Variants in SVIL observed in about 807,000 individuals in gnomAD.
SVIL encodes supervillin, also known as archvillin.
A neutral mutation model predicts 240.4 loss-of-function variants in SVIL; 101 were observed. The ratio of observed to expected loss-of-function variants is 0.42; its 90% CI spans 0.36 to 0.50. The LOEUF (loss-of-function observed/expected upper bound fraction) is 0.50, where lower values mean the gene tolerates loss of function less well. Among genes scored for constraint, SVIL ranks in the 20% least tolerant of loss-of-function variants. The pLI, the probability that SVIL is intolerant of heterozygous loss-of-function variation, is 0.01. For synonymous variants in SVIL, 999 were observed against 1,100.0 expected, an observed-to-expected ratio of 0.91 and a Z score of 1.82; for missense variants, 2,512 against 2,818.7, an observed-to-expected ratio of 0.89 and a Z score of 2.46.
chr10:29,675,899 A>G (rs1564753731), intron 2 of SVIL, among the ~76,000 whole-genome samples: 2 of 152,206 alleles, frequency 1.3e-5, no homozygotes, highest in South Asian at 2.1e-4. Flanking sequence ...TTGAAACATA[A>G]GAAAGTTACA....
chr10:29,618,476 G>A (rs1055420738), intron 1 of SVIL, among the ~76,000 whole-genome samples: 2 of 152,162 alleles, frequency 1.3e-5, no homozygotes, highest in Non-Finnish European at 2.9e-5. Context: ...GTCAAAGCAT[G>A]TTCAGACCCC....
chr10:29,692,646 T>C (rs1010850619), intron 1 of SVIL, among the ~76,000 whole-genome samples: 1 of 149,506 alleles, frequency 6.7e-6, no homozygotes, highest in South Asian at 2.1e-4. Flanking sequence ...GTATATATGA[T>C]ATATATATAA....
chr10:29,495,874 A>G (rs1251603212), intron 18 of SVIL, among the ~76,000 whole-genome samples: 1 of 152,206 alleles, frequency 6.6e-6, no homozygotes, highest in East Asian at 1.9e-4. Context: ...ATCCAGCTGG[A>G]AGAAGAAAAC....
At chr10:29,652,273 T>C (rs1958863875) in intron 3 of SVIL, among the ~76,000 whole-genome samples, 1 of 152,228 alleles carries the variant, frequency 6.6e-6, no homozygotes, top group Non-Finnish European at 1.5e-5. Flanking sequence ...TTGCCTGTTC[T>C]AGAAATTTCA....
chr10:29,645,569 C>T (rs370407973), intron 3 of SVIL, among the ~76,000 whole-genome samples: 1 of 151,848 alleles, frequency 6.6e-6, no homozygotes, highest in African/African-American at 2.4e-5. Context: ...AACTCCGTCT[C>T]AAAAAATAAA....
intron 6 of SVIL, among the ~76,000 whole-genome samples, chr10:29,538,980 T>C (rs1397325088): frequency 6.6e-6 from 1 of 151,930 alleles, no homozygotes. Context: ...CTGAGCAACA[T>C]AGCAAGACTC....
chr10:29,731,834 G>T (rs1456273755), intron 1 of SVIL, among the ~76,000 whole-genome samples: 1 of 152,228 alleles, frequency 6.6e-6, no homozygotes. Flanking sequence ...GGCAGCAAAT[G>T]TAAGTACAGT....
intron 2 of SVIL, among the ~76,000 whole-genome samples, chr10:29,678,283 G>A (rs1429432102): frequency 6.6e-6 from 1 of 151,862 alleles, no homozygotes; most frequent in Non-Finnish European, 1.5e-5. Flanking sequence ...CAACTAGATA[G>A]TCCCATCTAA....
chr10:29,533,035 G>C lies in SVIL; in HGVS notation c.1332C>G (p.Cys444Trp), dbSNP rs182606942. The change falls in exon 8 of 38, where the codon TGC (cysteine) becomes TGG (tryptophan). Residue 444 changes from cysteine to tryptophan, a missense_variant. Physicochemically the swap from Cys to Trp is radical, Grantham distance 215. Coordinates refer to ENST00000355867, the MANE Select transcript of SVIL (RefSeq NM_021738.3). Reference sequence around the variant, plus strand: ...TGCTTTGCTCGAGAGCTTCAGTGAAGCACACATCTTCTTCTTTTTCTTCTC... The same window carrying C: ...TGCTTTGCTCGAGAGCTTCAGTGAACCACACATCTTCTTCTTTTTCTTCTC... The part of the protein sequence containing the change: ...GEGEEKEEDV[C>W]FTEALEQSKK... The C allele has an allele frequency of 6.2e-7, 1 of 1,614,066 alleles. No individual in the cohort carries two copies. Among genetic ancestry groups the C allele is most frequent in the African/African-American group, 1.3e-5 (1 of 75,038 alleles).
intron 1 of SVIL, among the ~76,000 whole-genome samples, chr10:29,607,699 C>T (rs1957076934): frequency 6.6e-6 from 1 of 152,190 alleles, no homozygotes. Context: ...ACGTCTTGCT[C>T]TCTGCCTGAA....
intron 2 of SVIL, among the ~76,000 whole-genome samples, chr10:29,660,498 C>G (rs1487773079): frequency 2.0e-5 from 3 of 152,040 alleles, no homozygotes; most frequent in Admixed American, 2.0e-4. Flanking sequence ...CTCCCAGCTA[C>G]TAGGGAGGCT....
At chr10:29,642,603 CA>C (rs1564729979) in intron 3 of SVIL, among the ~76,000 whole-genome samples, 1 of 152,160 alleles carries the variant, frequency 6.6e-6, no homozygotes, top group Non-Finnish European at 1.5e-5. Context: ...CAGGACCTAG[CA>C]ACATGTGCCA....
intron 16 of SVIL, among the ~76,000 whole-genome samples, chr10:29,514,913 TAAAC>T (rs1486021719): frequency 6.6e-6 from 1 of 152,212 alleles, no homozygotes; most frequent in African/African-American, 2.4e-5. Flanking sequence ...TTGTAGTACT[TAAAC>T]AAGAATCCGG....
chr10:29,516,659 G>A (rs61849346), intron 16 of SVIL, among the ~76,000 whole-genome samples: 7,675 of 152,326 alleles, frequency 0.05, 249 homozygotes, highest in Middle Eastern at 0.078. Flanking sequence ...CTGTGATGCT[G>A]GGAGCCTGGG....
At chr10:29,590,810 C>A (rs982828116) in intron 1 of SVIL, among the ~76,000 whole-genome samples, 3 of 152,108 alleles carry the variant, frequency 2.0e-5, no homozygotes, top group African/African-American at 7.2e-5. Context: ...GAAGTACTAA[C>A]CCCTCTTTGA....
chr10:29,552,898 A>G (rs1953508445), intron 5 of SVIL, among the ~76,000 whole-genome samples: 1 of 152,170 alleles, frequency 6.6e-6, no homozygotes, highest in Non-Finnish European at 1.5e-5. Context: ...CTTCACATAT[A>G]CTACACAGAT....
At chr10:29,474,025 G>T (rs368401017) in intron 29 of SVIL, 36 bp from the exon 30 acceptor site, 426 of 1,604,214 alleles carry the variant, frequency 2.7e-4, no homozygotes, top group Non-Finnish European at 3.4e-4. Flanking sequence ...CAGGTCAGCA[G>T]CTGAGACACC....
chr10:29,585,087 T>TTTC (rs1564672473), intron 1 of SVIL, among the ~76,000 whole-genome samples: 3 of 138,200 alleles, frequency 2.2e-5, no homozygotes, highest in Non-Finnish European at 4.7e-5. Flanking sequence ...TTCTTCTTCC[T>TTTC]TTTTTTTTTT....
Position 29,465,622 on chromosome 10 carries a change from C to G in SVIL, c.6106G>C (p.Glu2036Gln). Residue 2036 changes from glutamate to glutamine, a missense_variant, in exon 34 of 38, where the codon GAA becomes CAA. Glu to Gln is a conservative substitution (Grantham distance 29). Around this residue, in one of 3 missense-constraint regions of SVIL, gnomAD observed 797 missense variants for 925.3 expected, o/e 0.86. Coordinates refer to ENST00000355867, the MANE Select transcript of SVIL (RefSeq NM_021738.3). ...SVVSSMPFLQEDLYSAPQPAL... is the reference protein window; with the variant it reads ...SVVSSMPFLQQDLYSAPQPAL... ...GGCTGGGGCGCGCTGTACAGATCTT[C>G]CTGCAGGAAGGGCATGGAACTGACC... 1 of 1,613,930 alleles carries G rather than the reference C, an allele frequency of 6.2e-7. No homozygotes were observed. Among genetic ancestry groups the G allele is most frequent in the Non-Finnish European group, 8.5e-7 (1 of 1,180,006 alleles).
Sources: allele counts gnomAD v4.1 joint callset (sites outside exome capture counted in the v4.1 genomes callset), GRCh38; gene constraint gnomAD v4.1.1; regional missense constraint gnomAD v4.1.1; transcripts MANE v1.5; gene names NCBI Gene and HGNC (gene_info 2026-07-23, HGNC 2026-07-21).